APPL1: variants seen among roughly 807,000 people sequenced by gnomAD.
The protein encoded by APPL1 is adaptor protein, phosphotyrosine interacting with PH domain and leucine zipper 1.
APPL1 carries 42 observed loss-of-function variants against 106.8 expected under a neutral mutation model. The observed-to-expected ratio is 0.39, with a 90% CI of 0.31 to 0.51. APPL1 has a LOEUF of 0.51. Ranked by LOEUF, APPL1 falls within the 20% of genes least tolerant of loss-of-function variation. The pLI is 0.75. For missense variants in APPL1, 769 were observed against 858.2 expected (o/e 0.90, Z 1.30); for synonymous variants, 263 against 281.8 (o/e 0.93, Z 0.67).
At position 57,249,443 on chromosome 3, in the gene APPL1, A is replaced by T. The variant is rs1464157137; in HGVS notation, c.947A>T (p.Asp316Val). 6.2e-7 allele frequency: 1 copy of T among 1,614,178 alleles called. No homozygotes were observed. Among genetic ancestry groups the T allele is most frequent in the South Asian group, 1.1e-5 (1 of 91,070 alleles). ...GGNLMSQARG[D>V]VAGGLAMDID... ...AATTTAATGAGTCAGGCCCGTGGGG[A>T]TGTAGCAGGAGGCCTGGCCATGGAC... The change falls in exon 11 of 22, where the codon GAT becomes GTT. Residue 316 changes from aspartate (D) to valine (V), a missense_variant. By Grantham distance (152) the Asp-to-Val change is radical. Coordinates refer to ENST00000288266, the MANE Select transcript of APPL1 (RefSeq NM_012096.3).
At chr3:57,250,332 G>A (rs1169165787) in intron 11 of APPL1, among the ~76,000 whole-genome samples, 1 of 152,050 alleles carries the variant, frequency 6.6e-6, no homozygotes. Context: ...TTGTAGAGAT[G>A]TCTCATCATG....
intron 13 of APPL1, among the ~76,000 whole-genome samples, chr3:57,254,558 C>T (rs1352813426): frequency 6.6e-6 from 1 of 152,144 alleles, no homozygotes; most frequent in Non-Finnish European, 1.5e-5. Context: ...AAAGAAGACA[C>T]AGTGCAGATA....
intron 15 of APPL1, among the ~76,000 whole-genome samples, chr3:57,258,372 C>T (rs1330177177): frequency 6.6e-6 from 1 of 152,130 alleles, no homozygotes; most frequent in African/African-American, 2.4e-5. Context: ...GTTGCCCTAG[C>T]AGATCTCAAA....
At chr3:57,249,707 C>A (rs892621008) in intron 11 of APPL1, among the ~76,000 whole-genome samples, 159 bp downstream of exon 11, 1 of 152,020 alleles carries the variant, frequency 6.6e-6, no homozygotes, top group African/African-American at 2.4e-5. Context: ...GAATTTTTGT[C>A]TCTGGCTTGG....
intron 19 of APPL1, among the ~76,000 whole-genome samples, chr3:57,266,125 A>G (rs1398456953): frequency 6.6e-6 from 1 of 152,230 alleles, no homozygotes; most frequent in Non-Finnish European, 1.5e-5. Flanking sequence ...TTTTGCATCA[A>G]TATTCATGAG....
rs2087589680 is a variant in APPL1, at chr3:57,269,807, G to A, written c.*120G>A. 5 of 1,147,554 alleles carry A rather than the reference G, an allele frequency of 4.4e-6. No individual in the cohort carries two copies. The East Asian group carries it at 7.3e-5, about 17-fold the overall frequency. 71.1% of individuals were successfully genotyped at this position (1,147,554 alleles called of 1,614,324 possible). A position where few individuals can be genotyped will look rare whatever the true frequency, so the allele number is the denominator to read the frequency against. On this transcript the variant is annotated 3_prime_UTR_variant, in exon 22 of 22. Transcript: ENST00000288266. ...GATTAAGCTTTATATTTGCTTATTT[G>A]TTGTAGCTACATTTTAAAAAAAAGA...
chr3:57,260,265 G>C (rs2060858217), intron 18 of APPL1, 112 bp downstream of exon 18: 4 of 1,227,722 alleles, frequency 3.3e-6, no homozygotes, highest in Non-Finnish European at 4.5e-6. Flanking sequence ...TATCAGCTAT[G>C]ATTGGTCTTT....
chr3:57,230,227 C>G (rs899108929), intron 1 of APPL1, among the ~76,000 whole-genome samples: 2 of 149,022 alleles, frequency 1.3e-5, no homozygotes, highest in Admixed American at 6.6e-5. Context: ...TCATCACTGC[C>G]ACTTTACTAC....
rs148773731 is a variant in APPL1 at position 57,234,320 on chromosome 3, C to T, written c.55-1246C>T. Among the ~76,000 whole-genome samples, 1,073 of 127,718 alleles carry T rather than the reference C, an allele frequency of 8.4e-3. 12 individuals carry two copies. Among genetic ancestry groups the T allele is most frequent in the African/African-American group, 0.032 (970 of 30,510 alleles). 83.8% of individuals were successfully genotyped at this position (127,718 alleles called of 152,430 possible). ...TCTTTTTTTTTTTTTTTTTTTGAGACGGAGTCTCCCTCTATTGCCCAAGCT... is the reference window on the plus strand; with the variant it reads ...TCTTTTTTTTTTTTTTTTTTTGAGATGGAGTCTCCCTCTATTGCCCAAGCT... On this transcript the variant is annotated intron_variant, in intron 1 of 21. Transcript: ENST00000288266.
chr3:57,267,673 T>C, intron 19 of APPL1, 69 bp from the exon 20 acceptor site: 1 of 1,334,898 alleles, frequency 7.5e-7, no homozygotes, highest in Non-Finnish European at 1.1e-6. Flanking sequence ...CCATCAGTTA[T>C]TTGGATACTT....
chr3:57,242,445 A>T (rs1022377001), intron 6 of APPL1, among the ~76,000 whole-genome samples: 3 of 151,862 alleles, frequency 2.0e-5, no homozygotes, highest in African/African-American at 7.3e-5. Context: ...ATATATATAT[A>T]TTTTAAGATA....
chr3:57,262,722 A>G (rs1444004889), intron 19 of APPL1, among the ~76,000 whole-genome samples: 1 of 151,818 alleles, frequency 6.6e-6, no homozygotes, highest in Non-Finnish European at 1.5e-5. Context: ...TATTGAGAAT[A>G]TCGTACTAAC....
chr3:57,236,044 CTTTT>C (rs34912084), intron 2 of APPL1, among the ~76,000 whole-genome samples: 1 of 131,348 alleles, frequency 7.6e-6, no homozygotes, highest in Admixed American at 7.8e-5. Flanking sequence ...CCCACCCCCA[CTTTT>C]TTTTTTTTTT....
intron 8 of APPL1, among the ~76,000 whole-genome samples, chr3:57,246,977 C>T (rs936309594): frequency 4.3e-5 from 6 of 139,020 alleles, no homozygotes; most frequent in African/African-American, 1.3e-4. Context: ...GGATGACAGA[C>T]GAGACCCTGT....
rs1337216042 is a variant in APPL1, at chr3:57,257,037, G to A, written c.1233G>A (p.Leu411=). 1 of 1,614,190 alleles carries A rather than the reference G, an allele frequency of 6.2e-7. No individual in the cohort carries two copies. Residue 411 remains leucine, a synonymous_variant, in exon 14 of 22, where the codon CTG becomes CTA. Coordinates refer to ENST00000288266, the MANE Select transcript of APPL1 (RefSeq NM_012096.3). ...SPSFQQRHES[L]RPAAGQSRPP... ...CTTTCCAGCAGAGGCACGAGAGCCT[G>A]CGGCCAGCAGCAGGGTAAGTTACCA...
chr3:57,268,082 G>C (rs191219428), intron 20 of APPL1: 4 of 489,696 alleles, frequency 8.2e-6, no homozygotes, highest in Non-Finnish European at 1.4e-5. Context: ...AACAGAGCGA[G>C]ACTGTATCTC....
rs2060931924 is a variant in APPL1, at chr3:57,270,746, C to G, written c.*1059C>G. On this transcript the variant is annotated 3_prime_UTR_variant, in exon 22 of 22. Transcript: ENST00000288266. Reference sequence around the variant, plus strand: ...ACTTTATATCCACAAAGGCAAATAACTAATGTATGATAATAGAATAATTTG... The same window carrying G: ...ACTTTATATCCACAAAGGCAAATAAGTAATGTATGATAATAGAATAATTTG... 6.6e-6 allele frequency: 1 copy of G among 152,272 alleles called. No homozygotes were observed. The highest frequency in any genetic ancestry group is 1.5e-5 in the Non-Finnish European group (1 of 67,972). 9.4% of individuals were successfully genotyped at this position (152,272 alleles called of 1,614,324 possible). A position where few individuals can be genotyped will look rare whatever the true frequency, so the allele number is the denominator to read the frequency against.
At chr3:57,243,867 T>C (rs1195488855) in intron 7 of APPL1, among the ~76,000 whole-genome samples, 1 of 152,194 alleles carries the variant, frequency 6.6e-6, no homozygotes, top group Non-Finnish European at 1.5e-5. Flanking sequence ...CTTCATTTTA[T>C]TTAAAAATTC....
chr3:57,241,965 T>C, intron 5 of APPL1, 136 bp from the exon 6 acceptor site: 1 of 569,316 alleles, frequency 1.8e-6, no homozygotes, highest in Non-Finnish European at 3.0e-6. Context: ...AAACACAGAG[T>C]AGCTTTTTCA....
Sources: gnomAD v4.1 joint callset for allele counts (sites outside exome capture counted in the v4.1 genomes callset) on GRCh38, gnomAD v4.1.1 for gene constraint, MANE v1.5 for transcripts, NCBI Gene and HGNC (gene_info 2026-07-23, HGNC 2026-07-21) for gene names.